The following EPPK1 variants were observed in gnomAD, a reference collection of about 807,000 sequenced individuals.
EPPK1 encodes the protein epiplakin 1, also known as epiplakin.
For synonymous variants in EPPK1, 1,862 were observed against 1,721.2 expected (o/e 1.08, Z -2.03); for missense variants, 3,823 against 3,673.3 (o/e 1.04, Z -1.05).
rs781862195 is a variant in EPPK1 at position 143,871,831 on chromosome 8, C to T, written c.1423G>A (p.Gly475Arg). The T allele has an allele frequency of 5.6e-6, 9 of 1,612,256 alleles. No homozygotes were observed. In the South Asian group the frequency reaches 7.7e-5, roughly 14 times the overall value. Residue 475 changes from glycine to arginine, a missense_variant, in exon 2 of 2, where the codon GGG becomes AGG. Coordinates refer to ENST00000615648, the MANE Select transcript of EPPK1 (RefSeq NM_031308.4). ...ATGAATGGGGGTCCCTGGGGCTCCC[C>T]TCCCCGGGGTCCCCCTGAGAGTGGC... ...FLPLSGGPRGGEPQGPPFIKY... is the reference protein window; with the variant it reads ...FLPLSGGPRGREPQGPPFIKY...
chr8:143,857,973 CG>C lies in EPPK1; in HGVS notation c.*13del. The C allele has an allele frequency of 6.5e-7, 1 of 1,536,488 alleles. No individual in the cohort carries two copies. Among genetic ancestry groups the C allele is most frequent in the Non-Finnish European group, 8.8e-7 (1 of 1,136,056 alleles). ...TTCTCCAGAGTTGCAGAAAACTGCA[CG>C]GAGGAAGCCCAGTCACTGTAGAGAG... is the stretch of plus-strand genomic sequence containing the variant. On this transcript the variant is annotated 3_prime_UTR_variant, in exon 2 of 2. Transcript: ENST00000615648.
At position 143,870,033 on chromosome 8, in the gene EPPK1, T is replaced by A; in HGVS notation, c.3221A>T (p.Glu1074Val). ...IQRGYVDQEM[E>V]TALSSSSETF... Reference sequence around the variant, plus strand: ...TTCGGAGGAGCTGGACAAGGCTGTCTCCATCTCCTGGTCAACATAGCCACG... The same window carrying A: ...TTCGGAGGAGCTGGACAAGGCTGTCACCATCTCCTGGTCAACATAGCCACG... The change falls in exon 2 of 2, where the codon GAG becomes GTG. Residue 1074 changes from glutamate (E) to valine (V), a missense_variant. By Grantham distance (121) the Glu-to-Val change is moderately radical. Transcript: ENST00000615648. The surrounding 1 kb of genome is among the most constrained non-coding windows in gnomAD (Gnocchi z 5.2). 1 of 1,611,044 alleles carries A rather than the reference T, an allele frequency of 6.2e-7. No individual in the cohort carries two copies. The highest frequency in any genetic ancestry group is 1.1e-5 in the South Asian group (1 of 90,692).
Position 143,870,808 on chromosome 8 carries a change from T to C in EPPK1, c.2446A>G (p.Asn816Asp). Residue 816 changes from asparagine to aspartate, a missense_variant, in exon 2 of 2, where the codon AAC becomes GAC. Coordinates refer to ENST00000615648, the MANE Select transcript of EPPK1 (RefSeq NM_031308.4). The surrounding 1 kb of genome is among the most constrained non-coding windows in gnomAD (Gnocchi z 5.2). ...VDSATQQAFQNLLLSVKYGRF... is the reference protein window; with the variant it reads ...VDSATQQAFQDLLLSVKYGRF... ...CCATACTTCACGGAGAGCAGCAGGT[T>C]CTGGAAGGCCTGCTGGGTGGCACTG... 6.2e-7 allele frequency: 1 copy of C among 1,612,690 alleles called. No individual in the cohort carries two copies. Among genetic ancestry groups the C allele is most frequent in the Non-Finnish European group, 8.5e-7 (1 of 1,179,828 alleles).
chr8:143,867,340 C>G lies in EPPK1; in HGVS notation c.5914G>C (p.Glu1972Gln), dbSNP rs368596970. The G allele has an allele frequency of 6.2e-7, 1 of 1,612,836 alleles. No individual in the cohort carries two copies. Among genetic ancestry groups the G allele is most frequent in the East Asian group, 2.2e-5 (1 of 44,878 alleles). ...EELRERLLKA[E>Q]RAATGYRDPA... ...TCCCTGTAGCCCGTGGCAGCTCTTT[C>G]AGCCTTCAGGAGCCTCTCCCGCAGC... The change falls in exon 2 of 2, where the codon GAA becomes CAA. Residue 1972 changes from glutamate to glutamine, a missense_variant. Physicochemically the swap from Glu to Gln is conservative, Grantham distance 29 (BLOSUM62 2). Transcript: ENST00000615648.
At chr8:143,873,326 G>A (rs1819419389) in intron 1 of EPPK1, 28 bp from the exon 2 acceptor site, 10 of 1,415,218 alleles carry the variant, frequency 7.1e-6, no homozygotes, top group Middle Eastern at 1.8e-4. Flanking sequence ...GCTCAATCAG[G>A]GACCCCGCAT....
In EPPK1 at chr8:143,857,869, G is replaced by A. The variant is rs1818924200; in HGVS notation, c.*118C>T. 1 of 760,560 alleles carries A rather than the reference G, an allele frequency of 1.3e-6. No individual in the cohort carries two copies. Among genetic ancestry groups the A allele is most frequent in the South Asian group, 2.3e-5 (1 of 43,640 alleles). 47.1% of individuals were successfully genotyped at this position (760,560 alleles called of 1,614,324 possible). ...AAAACGTTTTCCACAGATAACGAAT[G>A]GGTAAAACAACAAAATTAAAGAATG... is the stretch of plus-strand genomic sequence containing the variant. On this transcript the variant is annotated 3_prime_UTR_variant, in exon 2 of 2. Coordinates refer to ENST00000615648, the MANE Select transcript of EPPK1 (RefSeq NM_031308.4).
In EPPK1 at chr8:143,870,203, C is replaced by T. The variant is rs782320281; in HGVS notation, c.3051G>A (p.Gly1017=). ...TGGCCTGGAACACAGACACCTGCTT[C>T]CCAGAGAAGGGGTCTCTGAAGCCAG... The part of the protein sequence containing the change: ...AIAGFRDPFS[G]KQVSVFQAMK... The change falls in exon 2 of 2, where the codon GGG becomes GGA. Residue 1017 remains glycine (G), a synonymous_variant. Transcript: ENST00000615648. This position sits in a 1 kb window ranked among gnomAD's most constrained non-coding sequence, Gnocchi z 5.2. 1.2e-6 allele frequency: 2 copies of T among 1,610,560 alleles called. No homozygotes were observed. Among genetic ancestry groups the T allele is most frequent in the Non-Finnish European group, 1.7e-6 (2 of 1,178,962 alleles).
chr8:143,871,039 G>A lies in EPPK1; in HGVS notation c.2215C>T (p.Pro739Ser), dbSNP rs1554661009. ...CCGCGCCGGTAGGCCACGTCCACGGGCACGCGGTGGCTGTGCACGGGGTCG... is the reference window on the plus strand; with the variant it reads ...CCGCGCCGGTAGGCCACGTCCACGGACACGCGGTGGCTGTGCACGGGGTCG... The part of the protein sequence containing the change: ...VIDPVHSHRV[P>S]VDVAYRRGYF... The change falls in exon 2 of 2, where the codon CCC becomes TCC. Residue 739 changes from proline (P) to serine (S), a missense_variant. Coordinates refer to ENST00000615648, the MANE Select transcript of EPPK1 (RefSeq NM_031308.4). 6.2e-7 allele frequency: 1 copy of A among 1,613,124 alleles called. No homozygotes were observed. The highest frequency in any genetic ancestry group is 1.1e-5 in the South Asian group (1 of 91,080).
rs570198459 is a variant in EPPK1 at position 143,873,721 on chromosome 8, G to A, written c.-45-423C>T. Among the ~76,000 whole-genome samples, 12 of 152,188 alleles carry A rather than the reference G, an allele frequency of 7.9e-5. No homozygotes were observed. In the East Asian group the frequency reaches 1.5e-3, roughly 20 times the overall value. On this transcript the variant is annotated intron_variant, in intron 1 of 1. Transcript: ENST00000615648. ...GGCTGTGGCTCCACCCACAGGGCCC[G>A]CCCCTCAGCCTGGGCACCGGCATCT...
chr8:143,870,497 C>A lies in EPPK1; in HGVS notation c.2757G>T (p.Met919Ile). 5.0e-6 allele frequency: 8 copies of A among 1,606,828 alleles called. No individual in the cohort carries two copies. The highest frequency in any genetic ancestry group is 6.8e-6 in the Non-Finnish European group (8 of 1,176,806). Residue 919 changes from methionine to isoleucine, a missense_variant, in exon 2 of 2, where the codon ATG becomes ATT. Transcript: ENST00000615648. This position sits in a 1 kb window ranked among gnomAD's most constrained non-coding sequence, Gnocchi z 5.2. The stretch of plus-strand genomic sequence containing the variant: ...CGCACAGGTACCTGCGGACGCCGTC[C>A]ATGAGTAGGAGGGCCTCCGGGCTGA... ...GTISPEALLLMDGVRRYLCGL... is the reference protein window; with the variant it reads ...GTISPEALLLIDGVRRYLCGL...
At position 143,869,263 on chromosome 8, in the gene EPPK1, A is replaced by C; in HGVS notation, c.3991T>G (p.Tyr1331Asp). 6.2e-7 allele frequency: 1 copy of C among 1,608,918 alleles called. No homozygotes were observed. Among genetic ancestry groups the C allele is most frequent in the Non-Finnish European group, 8.5e-7 (1 of 1,178,106 alleles). ...CACAGAGAGAGGGAGGCCCTAGAGTAGGGATCTGGGTACCCGGCCGCCGCC... is the reference window on the plus strand; with the variant it reads ...CACAGAGAGAGGGAGGCCCTAGAGTCGGGATCTGGGTACCCGGCCGCCGCC... The part of the protein sequence containing the change: ...ERAAAGYPDP[Y>D]SRASLSLWQA... Residue 1331 changes from tyrosine (Y) to aspartate (D), a missense_variant, in exon 2 of 2, where the codon TAC becomes GAC. Physicochemically the swap from Tyr to Asp is radical, Grantham distance 160. Coordinates refer to ENST00000615648, the MANE Select transcript of EPPK1 (RefSeq NM_031308.4).
At position 143,872,204 on chromosome 8, in the gene EPPK1, T is replaced by G. The variant is rs1819376941; in HGVS notation, c.1050A>C (p.Pro350=). ...DEAVRAGLVS[P]ELHEQLLVAE... ...CCACCAGGAGCTGCTCATGGAGCTC[T>G]GGGCTGACCAGGCCCGCCCTGACTG... Residue 350 remains proline, a synonymous_variant, in exon 2 of 2, where the codon CCA becomes CCC. Transcript: ENST00000615648. The G allele has an allele frequency of 6.2e-7, 1 of 1,606,456 alleles. No homozygotes were observed. The highest frequency in any genetic ancestry group is 1.1e-5 in the South Asian group (1 of 90,088).
At position 143,872,234 on chromosome 8, in the gene EPPK1, G is replaced by A. The variant is rs372677688; in HGVS notation, c.1020C>T (p.Asp340=). The A allele has an allele frequency of 3.7e-5, 60 of 1,609,722 alleles. No homozygotes were observed. The highest frequency in any genetic ancestry group is 8.8e-5 in the South Asian group (8 of 90,676). Residue 340 remains aspartate, a synonymous_variant, in exon 2 of 2, where the codon GAC becomes GAT. Transcript: ENST00000615648. ...DPITGQRLWV[D]EAVRAGLVSP... ...TGACCAGGCCCGCCCTGACTGCCTC[G>A]TCTACCCACAGCCGCTGGCCTGTGA...
At position 143,867,715 on chromosome 8, in the gene EPPK1, C is replaced by G. The variant is rs781870609; in HGVS notation, c.5539G>C (p.Val1847Leu). Residue 1847 changes from valine (V) to leucine (L), a missense_variant, in exon 2 of 2, where the codon GTG becomes CTG. Val to Leu is a conservative substitution (Grantham distance 32, BLOSUM62 1). Coordinates refer to ENST00000615648, the MANE Select transcript of EPPK1 (RefSeq NM_031308.4). ...ETETQNQGIK[V>L]AAIRGEVTAA... ...GTCACCTCCCCTCTGATGGCCGCCA[C>G]TTTGATGCCTTGGTTTTGCGTCTCT... The G allele has an allele frequency of 1.2e-6, 2 of 1,613,646 alleles. No individual in the cohort carries two copies. The highest frequency in any genetic ancestry group is 1.3e-5 in the African/African-American group (1 of 74,926).
chr8:143,866,067 G>A lies in EPPK1; in HGVS notation c.7187C>T (p.Thr2396Met). ...FFDPNTHENL[T>M]YVQLLRRCVP... ...GCAGCGGCGCAGCAGCTGCACGTAC[G>A]TGAGGTTCTCGTGCGTGTTGGGGTC... Residue 2396 changes from threonine to methionine, a missense_variant, in exon 2 of 2, where the codon ACG (threonine) becomes ATG (methionine). Physicochemically the swap from Thr to Met is moderately conservative, Grantham distance 81. Coordinates refer to ENST00000615648, the MANE Select transcript of EPPK1 (RefSeq NM_031308.4). The A allele has an allele frequency of 8.7e-6, 2 of 229,678 alleles. No homozygotes were observed. The highest frequency in any genetic ancestry group is 1.5e-5 in the Non-Finnish European group (2 of 136,396). The allele number at this position is 229,678 out of a possible 1,614,324, so 14.2% of individuals were successfully genotyped here.
chr8:143,873,305 G>A lies in EPPK1; in HGVS notation c.-45-7C>T. 6.9e-7 allele frequency: 1 copy of A among 1,448,282 alleles called. No homozygotes were observed. Among genetic ancestry groups the A allele is most frequent in the Non-Finnish European group, 9.1e-7 (1 of 1,104,344 alleles). 89.7% of individuals were successfully genotyped at this position (1,448,282 alleles called of 1,614,324 possible). On this transcript the variant is annotated splice_region_variant and splice_polypyrimidine_tract_variant and intron_variant, in intron 1 of 1. Transcript: ENST00000615648. ...GCTGAGGTCCACCTCTGTCCTGCAG[G>A]GGACAGAAAGGCTCAATCAGGGACC...
rs368694133 is a variant in EPPK1 at position 143,871,373 on chromosome 8, A to G, written c.1881T>C (p.Tyr627=). Residue 627 remains tyrosine (Y), a synonymous_variant, in exon 2 of 2, where the codon TAT becomes TAC. Transcript: ENST00000615648. ...LPGSQERLSI[Y]EARCKGLLRP... ...GGAGGAGCCCCTTGCATCGGGCCTC[A>G]TAGATGCTCAGGCGTTCCTGGGAGC... 6.2e-6 allele frequency: 10 copies of G among 1,607,880 alleles called. No homozygotes were observed. The highest frequency in any genetic ancestry group is 1.3e-5 in the African/African-American group (1 of 74,872).
At position 143,871,775 on chromosome 8, in the gene EPPK1, C is replaced by G. The variant is rs189814391; in HGVS notation, c.1479G>C (p.Thr493=). Residue 493 remains threonine (T), a synonymous_variant, in exon 2 of 2, where the codon ACG becomes ACC. Transcript: ENST00000615648. The stretch of plus-strand genomic sequence containing the variant: ...TCCCCACAGAGACGGTGGCTGTGGC[C>G]GTGCTCAGGGCCTGCCGAGTGCTGT... ...IKYSTRQALS[T]ATATVSVGKF... is the part of the protein sequence containing the mutation. 2.2e-3 allele frequency: 3,569 copies of G among 1,611,154 alleles called. 5 individuals carry two copies. The highest frequency in any genetic ancestry group is 2.8e-3 in the Middle Eastern group (17 of 6,054).
At position 143,872,769 on chromosome 8, in the gene EPPK1, TCCA is replaced by T; in HGVS notation, c.482_484del (p.Val161del). 3 of 1,579,236 alleles carry T rather than the reference TCCA, an allele frequency of 1.9e-6. No individual in the cohort carries two copies. Among genetic ancestry groups the T allele is most frequent in the Non-Finnish European group, 2.6e-6 (3 of 1,159,610 alleles). On this transcript the variant is annotated inframe_deletion, in exon 2 of 2. Transcript: ENST00000615648. ...GGCCACGAGCACTCCCTGGGCGGGG[TCCA>T]CCAGGCCCCCAGTGGCCAGTTGGAC... is the stretch of plus-strand genomic sequence containing the variant.
Sources: allele counts gnomAD v4.1 joint callset (sites outside exome capture counted in the v4.1 genomes callset), GRCh38; gene constraint gnomAD v4.1.1; non-coding constraint Gnocchi (gnomAD v3.1); transcripts MANE v1.5; gene names NCBI Gene and HGNC (gene_info 2026-07-23, HGNC 2026-07-21).